Variants in CTNNA1 observed in about 807,000 individuals in gnomAD.
CTNNA1 encodes catenin alpha-1.
In CTNNA1, 37 loss-of-function variants were observed where a neutral mutation model predicts 98.4. That is an observed-to-expected ratio of 0.38 (90% confidence interval 0.29 to 0.49). The LOEUF (loss-of-function observed/expected upper bound fraction) is 0.49, where lower values mean the gene tolerates loss of function less well. Ranked by LOEUF, CTNNA1 falls within the 20% of genes least tolerant of loss-of-function variation. The pLI, the probability that CTNNA1 is intolerant of heterozygous loss-of-function variation, is 0.95. For synonymous variants in CTNNA1, 404 were observed against 413.2 expected (o/e 0.98, Z 0.27); for missense variants, 761 against 1,147.2 (o/e 0.66, Z 4.86).
intron 7 of CTNNA1, among the ~76,000 whole-genome samples, chr5:138,846,290 C>T (rs547629152): frequency 6.6e-6 from 1 of 152,198 alleles, no homozygotes; most frequent in Non-Finnish European, 1.5e-5. Flanking sequence ...ATAAAATGCT[C>T]TAAAATTGAC....
At chr5:138,929,438 C>G in intron 14 of CTNNA1, 82 bp downstream of exon 14, 1 of 726,298 alleles carries the variant, frequency 1.4e-6, no homozygotes, top group Admixed American at 2.1e-5. Context: ...AAAACACCCT[C>G]AGTATTCAGA....
chr5:138,896,170 C>G (rs1025671890), intron 9 of CTNNA1, among the ~76,000 whole-genome samples: 1 of 152,192 alleles, frequency 6.6e-6, no homozygotes, highest in Non-Finnish European at 1.5e-5. Context: ...GTAAATTCCT[C>G]TAGTCCCCCT....
rs536041668 is a variant in CTNNA1, at chr5:138,863,485, G to A, written c.1063-22727G>A. Among the ~76,000 whole-genome samples the A allele has an allele frequency of 2.6e-5, 4 of 152,264 alleles. No homozygotes were observed. In the East Asian group the frequency reaches 5.8e-4, roughly 22 times the overall value. ...GGTCTTGAACTCCTGGGCTCAAGCA[G>A]TCCTCCTGCCCCAGGCCCCCAAAGT... On this transcript the variant is annotated intron_variant, in intron 7 of 17. Transcript: ENST00000302763.
At chr5:138,930,431 A>T (rs371024001) in intron 14 of CTNNA1, 42 bp from the exon 15 acceptor site, 1 of 1,490,950 alleles carries the variant, frequency 6.7e-7, no homozygotes, top group African/African-American at 1.4e-5. Flanking sequence ...TGAGAACTTC[A>T]TATTCTTTTT....
Position 138,816,217 on chromosome 5 carries a change from A to G in CTNNA1, c.588+3915A>G, listed in dbSNP as rs1045447388. Among the ~76,000 whole-genome samples the G allele has an allele frequency of 3.9e-5, 6 of 152,278 alleles. No individual in the cohort carries two copies. In the East Asian group the frequency reaches 1.2e-3, roughly 29 times the overall value. On this transcript the variant is annotated intron_variant, in intron 5 of 17. Transcript: ENST00000302763. ...CATCCATGTTTCCATGAATGACAGAATTTTGTCTTTTTTAAATGGCTAAAT... is the reference window on the plus strand; with the variant it reads ...CATCCATGTTTCCATGAATGACAGAGTTTTGTCTTTTTTAAATGGCTAAAT...
At chr5:138,776,501 C>T (rs1554076900) in intron 1 of CTNNA1, among the ~76,000 whole-genome samples, 1 of 152,234 alleles carries the variant, frequency 6.6e-6, no homozygotes, top group Non-Finnish European at 1.5e-5. Flanking sequence ...CCTTTCCCCC[C>T]TTTTCTATTC....
In CTNNA1 at chr5:138,785,222, C is replaced by T. The variant is rs923262992; in HGVS notation, c.301+1850C>T. Among the ~76,000 whole-genome samples, 44 of 151,418 alleles carry T rather than the reference C, an allele frequency of 2.9e-4. 1 individual carries two copies. The highest frequency in any genetic ancestry group is 3.4e-3 in the Middle Eastern group (1 of 294). ...GACTACAGGCGCCCGCCACTACGCC[C>T]GGCTAATTTTTTGTATTTTTAGTAG... On this transcript the variant is annotated intron_variant, in intron 3 of 17. Coordinates refer to ENST00000302763, the MANE Select transcript of CTNNA1 (RefSeq NM_001903.5).
chr5:138,883,044 T>G (rs1460499613), intron 7 of CTNNA1, among the ~76,000 whole-genome samples: 1 of 152,132 alleles, frequency 6.6e-6, no homozygotes, highest in Non-Finnish European at 1.5e-5. Flanking sequence ...ACCATATTGG[T>G]CAGGCTGAAA....
intron 11 of CTNNA1, among the ~76,000 whole-genome samples, chr5:138,922,165 T>TG (rs1763048174): frequency 6.6e-6 from 1 of 152,170 alleles, no homozygotes; most frequent in Non-Finnish European, 1.5e-5. Flanking sequence ...GCATGGTTCC[T>TG]GGGGGGCAAT....
intron 5 of CTNNA1, among the ~76,000 whole-genome samples, chr5:138,813,278 C>T (rs1275052667): frequency 1.3e-5 from 2 of 152,200 alleles, no homozygotes; most frequent in Non-Finnish European, 2.9e-5. Context: ...CATAATATGT[C>T]CAGTGAGAAC....
intron 10 of CTNNA1, among the ~76,000 whole-genome samples, chr5:138,917,479 T>G (rs1463705319): frequency 3.3e-5 from 5 of 152,192 alleles, no homozygotes; most frequent in African/African-American, 9.6e-5. Flanking sequence ...AGTCTAGAAT[T>G]TAGTGTCACT....
intron 7 of CTNNA1, among the ~76,000 whole-genome samples, chr5:138,852,382 G>A (rs984776907): frequency 7.5e-6 from 1 of 133,352 alleles, no homozygotes; most frequent in Non-Finnish European, 1.5e-5. Flanking sequence ...AGTGTTCTAG[G>A]ATAGTGATTC....
At chr5:138,882,984 AC>A (rs1405391116) in intron 7 of CTNNA1, among the ~76,000 whole-genome samples, 1 of 152,034 alleles carries the variant, frequency 6.6e-6, no homozygotes, top group Non-Finnish European at 1.5e-5. Flanking sequence ...ACATGCCACC[AC>A]GCCTGGCTAA....
chr5:138,904,285 T>G, intron 9 of CTNNA1, 64 bp from the exon 10 acceptor site: 3 of 1,539,412 alleles, frequency 1.9e-6, no homozygotes, highest in Non-Finnish European at 2.6e-6. Flanking sequence ...TAGGGCCAGG[T>G]GTGTGTTTTT....
intron 10 of CTNNA1, among the ~76,000 whole-genome samples, 200 bp from the exon 11 acceptor site, chr5:138,917,542 T>G (rs1159240111): frequency 2.0e-5 from 3 of 152,124 alleles, no homozygotes; most frequent in Non-Finnish European, 4.4e-5. Flanking sequence ...TTTATTTGTT[T>G]TATCATTGTC....
At chr5:138,875,563 A>G in intron 7 of CTNNA1, 1 of 985,472 alleles carries the variant, frequency 1.0e-6, no homozygotes, top group Non-Finnish European at 1.2e-6. Flanking sequence ...GTGAGGTTGT[A>G]ATAAAGGCTG....
chr5:138,772,443 A>G (rs1320511276), intron 1 of CTNNA1, among the ~76,000 whole-genome samples: 3 of 152,232 alleles, frequency 2.0e-5, no homozygotes, highest in Non-Finnish European at 2.9e-5. Context: ...GAAACTGTCA[A>G]GAGTTTAAAA....
At position 138,806,047 on chromosome 5, in the gene CTNNA1, T is replaced by G. The variant is rs151041616; in HGVS notation, c.302-3991T>G. On this transcript the variant is annotated intron_variant, in intron 3 of 17. Transcript: ENST00000302763. ...TTTAGCTCTAACATTTAGGTTTTGATAAATTTTGTAAGTATATGGTGTGAG... is the reference window on the plus strand; with the variant it reads ...TTTAGCTCTAACATTTAGGTTTTGAGAAATTTTGTAAGTATATGGTGTGAG... Among the ~76,000 whole-genome samples, 1,153 of 152,320 alleles carry G rather than the reference T, an allele frequency of 7.6e-3. 3 individuals are homozygous for G. The highest frequency in any genetic ancestry group is 0.011 in the Non-Finnish European group (775 of 68,016).
intron 7 of CTNNA1, among the ~76,000 whole-genome samples, chr5:138,856,873 T>C (rs950787872): frequency 6.6e-6 from 1 of 152,236 alleles, no homozygotes; most frequent in Non-Finnish European, 1.5e-5. Context: ...TGGAAGTATT[T>C]TAGAGAGAAA....
Sources: gnomAD v4.1 joint callset for allele counts (sites outside exome capture counted in the v4.1 genomes callset) on GRCh38, gnomAD v4.1.1 for gene constraint, MANE v1.5 for transcripts, NCBI Gene and HGNC (gene_info 2026-07-23, HGNC 2026-07-21) for gene names.